Variants in PDZD2 observed in about 807,000 individuals in gnomAD.
PDZD2 encodes the protein PDZ domain containing 2.
In PDZD2, 90 loss-of-function variants were observed where a neutral mutation model predicts 220.7. The ratio of observed to expected loss-of-function variants is 0.41; its 90% confidence interval spans 0.34 to 0.49. PDZD2 has a LOEUF of 0.49. Among genes scored for constraint, PDZD2 ranks in the 20% least tolerant of loss-of-function variants. PDZD2 has a pLI of 0.28. For synonymous variants in PDZD2, 1,375 were observed against 1,450.5 expected, an observed-to-expected ratio of 0.95 and a Z score of 1.18; for missense variants, 3,174 against 3,608.5, an observed-to-expected ratio of 0.88 and a Z score of 3.08.
At chr5:31,786,628 G>A (rs563683332) in intron 1 of PDZD2, among the ~76,000 whole-genome samples, 1 of 152,166 alleles carries the variant, frequency 6.6e-6, no homozygotes, top group African/African-American at 2.4e-5. Context: ...AATGAGGCCA[G>A]CTACTTCATC....
chr5:32,011,008 C>CAAAAAAAAAAAAAAA (rs34837601), intron 6 of PDZD2, among the ~76,000 whole-genome samples: 1 of 100,390 alleles, frequency 1.0e-5, no homozygotes, highest in African/African-American at 4.8e-5. Context: ...AAAAACCTCT[C>CAAAAAAAAAAAAAAA]AAAAAAAAAA....
chr5:31,786,095 C>T (rs1753363219), intron 1 of PDZD2, among the ~76,000 whole-genome samples: 1 of 152,172 alleles, frequency 6.6e-6, no homozygotes, highest in Non-Finnish European at 1.5e-5. Flanking sequence ...CTTTCCTTCT[C>T]ATTGTCTGAG....
intron 4 of PDZD2, among the ~76,000 whole-genome samples, chr5:31,999,523 A>G (rs2111989951): frequency 6.6e-6 from 1 of 152,212 alleles, no homozygotes; most frequent in Middle Eastern, 3.4e-3. Flanking sequence ...AAAAACAAAC[A>G]CACACAAAAA....
At chr5:31,818,118 T>C (rs1436897336) in intron 2 of PDZD2, among the ~76,000 whole-genome samples, 1 of 151,932 alleles carries the variant, frequency 6.6e-6, no homozygotes, top group African/African-American at 2.4e-5. Flanking sequence ...TACAGGTGCG[T>C]GTCACAAGGC....
chr5:31,990,858 C>G (rs992690932), intron 3 of PDZD2, among the ~76,000 whole-genome samples: 1 of 152,138 alleles, frequency 6.6e-6, no homozygotes, highest in South Asian at 2.1e-4. Flanking sequence ...GAAAGCTGGC[C>G]GGGCAGTGTC....
At position 31,842,513 on chromosome 5, in the gene PDZD2, G is replaced by T. The variant is rs146026139; in HGVS notation, c.476+42789G>T. Among the ~76,000 whole-genome samples, 460 of 152,314 alleles carry T rather than the reference G, an allele frequency of 3.0e-3. 3 individuals carry two copies. The highest frequency in any genetic ancestry group is 0.01 in the African/African-American group (422 of 41,564). On this transcript the variant is annotated intron_variant, in intron 2 of 24. Coordinates refer to ENST00000438447, the MANE Select transcript of PDZD2 (RefSeq NM_178140.4). ...GGGTTAAGTCTGAAAGCAGTTTCCT[G>T]GCTCGAATCTGGCTGGTTCCTAATA...
Position 31,676,469 on chromosome 5 carries a change from A to T in PDZD2, c.-361+37032A>T, listed in dbSNP as rs140090375. Among the ~76,000 whole-genome samples the T allele has an allele frequency of 4.6e-3, 698 of 151,896 alleles. 4 individuals are homozygous for T. Among genetic ancestry groups the T allele is most frequent in the South Asian group, 0.018 (84 of 4,772 alleles). ...TGAAGGCCAGAGAGATTGGGGTATG[A>T]TGGAGATTGTGGGGAGGGCAGGAAG... On this transcript the variant is annotated intron_variant, in intron 1 of 24. Coordinates refer to ENST00000438447, the MANE Select transcript of PDZD2 (RefSeq NM_178140.4).
intron 2 of PDZD2, among the ~76,000 whole-genome samples, chr5:31,868,507 G>A (rs1738438446): frequency 6.6e-6 from 1 of 152,126 alleles, no homozygotes; most frequent in African/African-American, 2.4e-5. Context: ...TAGCATACCT[G>A]TCTTGCTTTT....
At chr5:31,809,896 C>T (rs969332628) in intron 2 of PDZD2, among the ~76,000 whole-genome samples, 31 of 152,190 alleles carry the variant, frequency 2.0e-4, no homozygotes, top group Admixed American at 2.0e-3. Flanking sequence ...TCCTCTGGTA[C>T]CCTGGTCACA....
chr5:31,729,572 C>G (rs1235927581), intron 1 of PDZD2, among the ~76,000 whole-genome samples: 1 of 152,152 alleles, frequency 6.6e-6, no homozygotes, highest in African/African-American at 2.4e-5. Context: ...TCTAGACCTG[C>G]CTTTTTTCTA....
chr5:32,072,053 T>A (rs1288365999), intron 16 of PDZD2, 108 bp from the exon 17 acceptor site: 1 of 753,220 alleles, frequency 1.3e-6, no homozygotes, highest in Admixed American at 2.4e-5. Context: ...CTATTTCAAG[T>A]GACCGTTGAT....
chr5:31,798,553 C>T (rs1754181222), intron 1 of PDZD2, among the ~76,000 whole-genome samples: 1 of 152,152 alleles, frequency 6.6e-6, no homozygotes, highest in South Asian at 2.1e-4. Flanking sequence ...CTTCCACAGC[C>T]TTCCACAGGG....
At chr5:31,889,493 C>G (rs1174395153) in intron 2 of PDZD2, among the ~76,000 whole-genome samples, 1 of 152,170 alleles carries the variant, frequency 6.6e-6, no homozygotes, top group Non-Finnish European at 1.5e-5. Flanking sequence ...TTGCACAGAC[C>G]TCACACTCCT....
chr5:31,969,531 A>AAAAAAAAAAAAAAAC (rs1749095050), intron 2 of PDZD2, among the ~76,000 whole-genome samples: 5 of 145,538 alleles, frequency 3.4e-5, no homozygotes, highest in Non-Finnish European at 6.1e-5. Context: ...AAAAAAAAAA[A>AAAAAAAAAAAAAAAC]AAAACAATGG....
chr5:31,976,704 T>G (rs1046308988), intron 2 of PDZD2, among the ~76,000 whole-genome samples: 4 of 133,850 alleles, frequency 3.0e-5, no homozygotes, highest in African/African-American at 1.2e-4. Flanking sequence ...TTTTCCTTTT[T>G]TTCTTCTTTC....
chr5:31,657,792 G>A (rs542153369), intron 1 of PDZD2, among the ~76,000 whole-genome samples: 2 of 152,170 alleles, frequency 1.3e-5, no homozygotes, highest in East Asian at 1.9e-4. Context: ...TGTTGACCTC[G>A]GCGCTAGTCC....
Position 31,778,397 on chromosome 5 carries a change from C to T in PDZD2, c.-360-20492C>T, listed in dbSNP as rs187710926. On this transcript the variant is annotated intron_variant, in intron 1 of 24. Coordinates refer to ENST00000438447, the MANE Select transcript of PDZD2 (RefSeq NM_178140.4). Reference sequence around the variant, plus strand: ...TCTTGCTGCTGCTCACTCTTTGGGTCTGCACTGCCTTTATGAGCTGTAACA... The same window carrying T: ...TCTTGCTGCTGCTCACTCTTTGGGTTTGCACTGCCTTTATGAGCTGTAACA... Among the ~76,000 whole-genome samples, 262 of 152,282 alleles carry T rather than the reference C, an allele frequency of 1.7e-3. 3 individuals are homozygous for T. The highest frequency in any genetic ancestry group is 8.8e-3 in the Admixed American group (134 of 15,298).
Position 32,000,227 on chromosome 5 carries a change from C to G in PDZD2, c.1210C>G (p.Leu404Val). 6.2e-7 allele frequency: 1 copy of G among 1,614,182 alleles called. No homozygotes were observed. Among genetic ancestry groups the G allele is most frequent in the Non-Finnish European group, 8.5e-7 (1 of 1,180,010 alleles). The change falls in exon 5 of 25, where the codon CTT becomes GTT. Residue 404 changes from leucine (L) to valine (V), a missense_variant. Around this residue, in one of 4 missense-constraint regions of PDZD2, gnomAD observed 632 missense variants for 708.1 expected, o/e 0.89. Coordinates refer to ENST00000438447, the MANE Select transcript of PDZD2 (RefSeq NM_178140.4). This position sits in a 1 kb window ranked among gnomAD's most constrained non-coding sequence, Gnocchi z 4.5. ...CTCCCACGAGGAAGCAGTGGCCATTCTTCGCTCCGCCACGGGAATGGTGCA... is the reference window on the plus strand; with the variant it reads ...CTCCCACGAGGAAGCAGTGGCCATTGTTCGCTCCGCCACGGGAATGGTGCA... ...GLSHEEAVAILRSATGMVQLV... is the reference protein window; with the variant it reads ...GLSHEEAVAIVRSATGMVQLV...
chr5:32,071,381 C>T lies in PDZD2; in HGVS notation c.2534-3C>T. The T allele has an allele frequency of 6.2e-7, 1 of 1,603,842 alleles. No individual in the cohort carries two copies. The highest frequency in any genetic ancestry group is 2.2e-5 in the East Asian group (1 of 44,842). On this transcript the variant is annotated splice_polypyrimidine_tract_variant and splice_region_variant and intron_variant, in intron 15 of 24. Coordinates refer to ENST00000438447, the MANE Select transcript of PDZD2 (RefSeq NM_178140.4). Reference sequence around the variant, plus strand: ...ACAATATGGTGAATTTTCCCTCCAACAGGTACCCCCTTGAAGAGTCCCTCT... The same window carrying T: ...ACAATATGGTGAATTTTCCCTCCAATAGGTACCCCCTTGAAGAGTCCCTCT...
Sources: allele counts gnomAD v4.1 joint callset (sites outside exome capture counted in the v4.1 genomes callset), GRCh38; gene constraint gnomAD v4.1.1; regional missense constraint gnomAD v4.1.1; non-coding constraint Gnocchi (gnomAD v3.1); transcripts MANE v1.5; gene names NCBI Gene and HGNC (gene_info 2026-07-23, HGNC 2026-07-21).